GAB2: variants seen among roughly 807,000 people sequenced by gnomAD.
The protein encoded by GAB2 is GRB2 associated binding protein 2.
Under a neutral mutation model 65.5 loss-of-function variants are expected in GAB2, and 26 were observed. The ratio of observed to expected loss-of-function variants is 0.40; its 90% CI spans 0.29 to 0.55. GAB2 has a LOEUF of 0.55. Ranked by LOEUF, GAB2 falls within the 20% of genes least tolerant of loss-of-function variation. The pLI is 0.53. For synonymous variants in GAB2, 321 were observed against 329.6 expected (o/e 0.97, Z 0.28); for missense variants, 884 against 875.8 (o/e 1.01, Z -0.12).
intron 3 of GAB2, among the ~76,000 whole-genome samples, chr11:78,238,087 T>A (rs750897977): frequency 5.3e-5 from 8 of 151,682 alleles, no homozygotes; most frequent in Non-Finnish European, 8.8e-5. Context: ...TTGGGCTTAA[T>A]ATCTAGGTGA....
At chr11:78,255,244 A>G (rs1165334616) in intron 2 of GAB2, among the ~76,000 whole-genome samples, 1 of 152,172 alleles carries the variant, frequency 6.6e-6, no homozygotes, top group Non-Finnish European at 1.5e-5. Flanking sequence ...GAAAGGTAGA[A>G]ACAGACTCTC....
At chr11:78,396,291 C>A (rs1856893847) in intron 1 of GAB2, among the ~76,000 whole-genome samples, 1 of 152,226 alleles carries the variant, frequency 6.6e-6, no homozygotes, top group South Asian at 2.1e-4. Context: ...GTGCTATATT[C>A]ACATCTGAAT....
chr11:78,370,218 C>G (rs1856549205), intron 1 of GAB2, among the ~76,000 whole-genome samples: 1 of 141,808 alleles, frequency 7.1e-6, no homozygotes, highest in Non-Finnish European at 1.5e-5. Flanking sequence ...GATCCCGCCA[C>G]TGCACTCCAG....
chr11:78,339,085 G>C (rs924499792), intron 1 of GAB2, among the ~76,000 whole-genome samples: 1 of 152,024 alleles, frequency 6.6e-6, no homozygotes, highest in African/African-American at 2.4e-5. Flanking sequence ...ACCACACCCA[G>C]CTAATTTTTT....
chr11:78,259,723 C>T (rs889310402), intron 2 of GAB2, among the ~76,000 whole-genome samples: 4 of 152,146 alleles, frequency 2.6e-5, no homozygotes, highest in African/African-American at 9.7e-5. Flanking sequence ...TTTATCACCA[C>T]CACCCTCCTC....
intron 3 of GAB2, among the ~76,000 whole-genome samples, chr11:78,233,632 T>G (rs1864907259): frequency 1.3e-5 from 2 of 152,136 alleles, no homozygotes; most frequent in South Asian, 4.2e-4. Context: ...AGATGGAGTC[T>G]TGCTCACTCT....
intron 1 of GAB2, among the ~76,000 whole-genome samples, chr11:78,291,595 A>G (rs1866683523): frequency 1.1e-5 from 1 of 89,520 alleles, no homozygotes; most frequent in Non-Finnish European, 2.0e-5. Flanking sequence ...TTTTTGCGAC[A>G]GGGTCTCCCT....
chr11:78,364,433 T>C (rs1856471863), intron 1 of GAB2, among the ~76,000 whole-genome samples: 2 of 152,248 alleles, frequency 1.3e-5, no homozygotes, highest in Non-Finnish European at 1.5e-5. Context: ...ACAGTATCTA[T>C]AAATACAATG....
chr11:78,341,999 C>A, intron 1 of GAB2: 1 of 395,376 alleles, frequency 2.5e-6, no homozygotes. Context: ...TCCCTATGGA[C>A]AACAAACTGT....
intron 2 of GAB2, among the ~76,000 whole-genome samples, chr11:78,270,201 C>T (rs972742613): frequency 2.0e-5 from 3 of 152,076 alleles, no homozygotes; most frequent in Non-Finnish European, 4.4e-5. Flanking sequence ...GTAGTGTGCG[C>T]CTGTAATCCC....
At chr11:78,390,464 C>T (rs550744248) in intron 1 of GAB2, among the ~76,000 whole-genome samples, 1 of 152,262 alleles carries the variant, frequency 6.6e-6, no homozygotes, top group African/African-American at 2.4e-5. Flanking sequence ...TGGCAGGTGC[C>T]TGTAATCCTA....
At chr11:78,238,376 G>C (rs188451289) in intron 3 of GAB2, among the ~76,000 whole-genome samples, 1 of 151,708 alleles carries the variant, frequency 6.6e-6, no homozygotes, top group Non-Finnish European at 1.5e-5. Flanking sequence ...TATGCCTGTA[G>C]TCTCAGCTAC....
At chr11:78,250,135 A>AT (rs1865407735) in intron 3 of GAB2, 22 bp downstream of exon 3, 1 of 1,610,664 alleles carries the variant, frequency 6.2e-7, no homozygotes. Flanking sequence ...TAACCCACCT[A>AT]ATGGCTGTGG....
chr11:78,417,521 G>C, intron 1 of GAB2, 125 bp downstream of exon 1: 1 of 310,222 alleles, frequency 3.2e-6, no homozygotes. Context: ...GCCGCTCCTC[G>C]CCCCCGGCCC....
At chr11:78,230,909 G>C (rs1204208053) in intron 3 of GAB2, among the ~76,000 whole-genome samples, 1 of 152,214 alleles carries the variant, frequency 6.6e-6, no homozygotes, top group African/African-American at 2.4e-5. Context: ...ACTGAGGCCT[G>C]TGTCACTGTG....
intron 1 of GAB2, among the ~76,000 whole-genome samples, chr11:78,380,438 G>A (rs1159981443): frequency 3.3e-5 from 5 of 152,034 alleles, no homozygotes; most frequent in African/African-American, 2.4e-5. Context: ...TCTCTTGACC[G>A]CGTGATCCGC....
intron 1 of GAB2, among the ~76,000 whole-genome samples, chr11:78,400,901 CAAAAAAA>C (rs59240034): frequency 4.6e-5 from 3 of 65,246 alleles, no homozygotes; most frequent in East Asian, 6.3e-4. Context: ...GAGACTGTCT[CAAAAAAA>C]AAAAAAAAAA....
intron 1 of GAB2, among the ~76,000 whole-genome samples, chr11:78,339,679 T>C (rs781239048): frequency 3.3e-5 from 5 of 152,166 alleles, no homozygotes; most frequent in Non-Finnish European, 7.3e-5. Context: ...TCATGGAAAG[T>C]GTAAGATATG....
intron 2 of GAB2, among the ~76,000 whole-genome samples, chr11:78,256,108 T>C (rs888474460): frequency 3.3e-5 from 5 of 152,150 alleles, no homozygotes; most frequent in Non-Finnish European, 4.4e-5. Flanking sequence ...CAAAAACTTA[T>C]AGATGAATGT....
Sources: gnomAD v4.1 joint callset for allele counts (sites outside exome capture counted in the v4.1 genomes callset) on GRCh38, gnomAD v4.1.1 for gene constraint, MANE v1.5 for transcripts, NCBI Gene and HGNC (gene_info 2026-07-23, HGNC 2026-07-21) for gene names.